Variants in CYSLTR2 observed in about 807,000 individuals in gnomAD.
CYSLTR2 encodes the protein G-protein coupled receptor GPCR21.
For synonymous variants in CYSLTR2, 179 were observed against 160.8 expected (o/e 1.11, Z -0.86); for missense variants, 398 against 411.9 (o/e 0.97, Z 0.29).
chr13:48,675,698 CA>C (rs1042160709), intron 1 of CYSLTR2, among the ~76,000 whole-genome samples: 2 of 150,564 alleles, frequency 1.3e-5, no homozygotes, highest in African/African-American at 2.4e-5. Flanking sequence ...CGAGGCATAG[CA>C]AAAAACTCCT....
chr13:48,706,000 T>G (rs1415322980), intron 4 of CYSLTR2, among the ~76,000 whole-genome samples: 14 of 134,318 alleles, frequency 1.0e-4, no homozygotes, highest in African/African-American at 3.9e-4. Context: ...TTTGTTGTTG[T>G]TTTTTTTTTT....
intron 1 of CYSLTR2, among the ~76,000 whole-genome samples, chr13:48,666,007 T>G (rs551291965): frequency 1.3e-5 from 2 of 152,238 alleles, no homozygotes; most frequent in Non-Finnish European, 2.9e-5. Context: ...GTTTTATAGT[T>G]TCGCATGTTT....
chr13:48,670,778 T>C (rs1953405613), intron 1 of CYSLTR2, among the ~76,000 whole-genome samples: 1 of 152,188 alleles, frequency 6.6e-6, no homozygotes, highest in South Asian at 2.1e-4. Flanking sequence ...TATGGCTCCA[T>C]CTGAAATTTA....
At chr13:48,692,080 T>C (rs1954053617) in intron 2 of CYSLTR2, among the ~76,000 whole-genome samples, 1 of 152,070 alleles carries the variant, frequency 6.6e-6, no homozygotes, top group Admixed American at 6.6e-5. Flanking sequence ...TTGATTATTC[T>C]GAATTTGGGT....
At chr13:48,691,416 G>A (rs1954035152) in intron 2 of CYSLTR2, 115 bp downstream of exon 2, 1 of 152,016 alleles carries the variant, frequency 6.6e-6, no homozygotes, top group Non-Finnish European at 1.5e-5. Context: ...TTTCCTAGGA[G>A]ATTAAGTGAC....
chr13:48,659,411 TC>T (rs1217561510), intron 1 of CYSLTR2, among the ~76,000 whole-genome samples: 1 of 152,222 alleles, frequency 6.6e-6, no homozygotes, highest in Non-Finnish European at 1.5e-5. Flanking sequence ...TGGGATTTAT[TC>T]CAGAGGTTTT....
chr13:48,697,363 T>C (rs1954219868), intron 4 of CYSLTR2, among the ~76,000 whole-genome samples: 1 of 152,198 alleles, frequency 6.6e-6, no homozygotes, highest in Non-Finnish European at 1.5e-5. Context: ...ATATTTGCTG[T>C]TCTGCCGCTT....
chr13:48,688,195 G>A (rs1953945338), intron 1 of CYSLTR2, among the ~76,000 whole-genome samples: 1 of 152,146 alleles, frequency 6.6e-6, no homozygotes, highest in Admixed American at 6.5e-5. Context: ...CAATCCTCCT[G>A]CCTCAGCTTC....
chr13:48,654,517 T>A (rs1952955884), intron 1 of CYSLTR2, among the ~76,000 whole-genome samples: 1 of 152,186 alleles, frequency 6.6e-6, no homozygotes, highest in South Asian at 2.1e-4. Context: ...GTTATCCTCT[T>A]TTTCATAGTT....
At chr13:48,704,376 C>T (rs1033275295) in intron 4 of CYSLTR2, among the ~76,000 whole-genome samples, 21 of 152,156 alleles carry the variant, frequency 1.4e-4, no homozygotes, top group Admixed American at 1.2e-3. Context: ...GAAAAAATAG[C>T]TGGGCATGGT....
In CYSLTR2 at chr13:48,695,391, T is replaced by TTCTTTCTTTCTC. The variant is rs71076042; in HGVS notation, c.-102-1132_-102-1131insTTCTTTCTCTCT. On this transcript the variant is annotated intron_variant, in intron 3 of 4. Coordinates refer to ENST00000682523, the MANE Select transcript of CYSLTR2 (RefSeq NM_001308476.3). ...TTCTCTTTATTCTTTCTTTCTTTCT[T>TTCTTTCTTTCTC]TCTCTCTCTCTCTCTTTCTCTCTCT... 1.1e-3 allele frequency among the ~76,000 whole-genome samples: 146 copies of TTCTTTCTTTCTC among 138,842 alleles called. 1 individual carries two copies. The highest frequency in any genetic ancestry group is 2.4e-3 in the South Asian group (10 of 4,206). The allele number at this position is 138,842 out of a possible 152,430, so 91.1% of individuals were successfully genotyped here. A position where few individuals can be genotyped will look rare whatever the true frequency, so the allele number is the denominator to read the frequency against.
chr13:48,707,826 A>G lies in CYSLTR2; in HGVS notation c.1009A>G (p.Ser337Gly). ...KAKTKCVFPVSVWLRKETRV is the reference protein window; with the variant it reads ...KAKTKCVFPVGVWLRKETRV ...AAAGACAAAGTGTGTTTTCCCTGTT[A>G]GTGTGTGGTTGAGAAAGGAAACAAG... Residue 337 changes from serine (S) to glycine (G), a missense_variant, in exon 5 of 5, where the codon AGT becomes GGT. Physicochemically the swap from Ser to Gly is moderately conservative, Grantham distance 56. Transcript: ENST00000682523. The G allele has an allele frequency of 2.0e-6, 3 of 1,534,342 alleles. No homozygotes were observed. The highest frequency in any genetic ancestry group is 2.6e-6 in the Non-Finnish European group (3 of 1,142,792).
chr13:48,687,247 AGG>A (rs1265332905), intron 1 of CYSLTR2, among the ~76,000 whole-genome samples: 1 of 152,040 alleles, frequency 6.6e-6, no homozygotes, highest in Non-Finnish European at 1.5e-5. Context: ...TTAGCATTCC[AGG>A]GTCTCTATCT....
chr13:48,655,163 T>C (rs1253724706), intron 1 of CYSLTR2, among the ~76,000 whole-genome samples: 2 of 152,166 alleles, frequency 1.3e-5, no homozygotes, highest in African/African-American at 4.8e-5. Context: ...GCTTCGGTGG[T>C]TAAAAGTTAG....
intron 1 of CYSLTR2, among the ~76,000 whole-genome samples, chr13:48,669,764 A>G (rs1404739722): frequency 6.6e-6 from 1 of 152,218 alleles, no homozygotes; most frequent in Non-Finnish European, 1.5e-5. Context: ...TTATAGTACA[A>G]TGATTTATAA....
intron 1 of CYSLTR2, among the ~76,000 whole-genome samples, chr13:48,670,263 C>A (rs1566085171): frequency 6.6e-6 from 1 of 152,168 alleles, no homozygotes; most frequent in Non-Finnish European, 1.5e-5. Context: ...TTTTGCTGTG[C>A]AGAAGCTCTT....
At position 48,711,173 on chromosome 13, in the gene CYSLTR2, T is replaced by A. The variant is rs1954621043; in HGVS notation, c.*3315T>A. ...TGTGTAATTGCCTAACTTGTGAATA[T>A]GTATTTCTGAAGTAAAATAAAAATT... On this transcript the variant is annotated 3_prime_UTR_variant, in exon 5 of 5. Coordinates refer to ENST00000682523, the MANE Select transcript of CYSLTR2 (RefSeq NM_001308476.3). 1 of 152,186 alleles carries A rather than the reference T, an allele frequency of 6.6e-6. No homozygotes were observed. The highest frequency in any genetic ancestry group is 2.1e-4 in the South Asian group (1 of 4,830). 9.4% of individuals were successfully genotyped at this position (152,186 alleles called of 1,614,324 possible).
chr13:48,701,354 A>T (rs1397990828), intron 4 of CYSLTR2, among the ~76,000 whole-genome samples: 1 of 152,220 alleles, frequency 6.6e-6, no homozygotes, highest in African/African-American at 2.4e-5. Flanking sequence ...CTCAACTTTG[A>T]CAAACCTGAC....
chr13:48,668,958 C>T (rs1032609461), intron 1 of CYSLTR2, among the ~76,000 whole-genome samples: 8 of 152,178 alleles, frequency 5.3e-5, no homozygotes, highest in East Asian at 1.9e-4. Flanking sequence ...TTTATGGCTG[C>T]GTAGTATTCC....
Sources: gnomAD v4.1 joint callset for allele counts (sites outside exome capture counted in the v4.1 genomes callset) on GRCh38, gnomAD v4.1.1 for gene constraint, MANE v1.5 for transcripts, NCBI Gene and HGNC (gene_info 2026-07-23, HGNC 2026-07-21) for gene names.